ACOX3: variants seen among roughly 807,000 people sequenced by gnomAD.
ACOX3 encodes the protein peroxisomal acyl-coenzyme A oxidase 3.
In ACOX3, 73 loss-of-function variants were observed where a neutral mutation model predicts 81.5. That is an observed-to-expected ratio of 0.90 (90% confidence interval 0.74 to 1.09). The LOEUF (loss-of-function observed/expected upper bound fraction) is 1.09, where lower values mean the gene tolerates loss of function less well. Among genes scored for constraint, ACOX3 ranks in the 50% least tolerant of loss-of-function variants. The probability of loss-of-function intolerance (pLI) is 0.00; values close to 1 mark genes in which losing one functional copy is unlikely to be tolerated. For missense variants in ACOX3, 947 were observed against 928.0 expected, an observed-to-expected ratio of 1.02 and a Z score of -0.27; for synonymous variants, 387 against 375.1, an observed-to-expected ratio of 1.03 and a Z score of -0.37.
rs1472296428 is a variant in ACOX3, at chr4:8,416,487, A to T, written c.35T>A (p.Leu12Gln). 6.2e-7 allele frequency: 1 copy of T among 1,613,242 alleles called. No individual in the cohort carries two copies. The change falls in exon 2 of 18, where the codon CTG becomes CAG. Residue 12 changes from leucine (L) to glutamine (Q), a missense_variant. By Grantham distance (113) the Leu-to-Gln change is moderately radical. Transcript: ENST00000356406. This position sits in a 1 kb window ranked among gnomAD's most constrained non-coding sequence, Gnocchi z 4.2. The stretch of plus-strand genomic sequence containing the variant: ...GGGCCCCCTGGGGAATTCTGGGAGC[A>T]GAGCTGTGTCGCCTCCTTCCACAGT... ...ASTVEGGDTA[L>Q]LPEFPRGPLD...
At chr4:8,376,726 G>C (rs1204241923) in intron 14 of ACOX3, among the ~76,000 whole-genome samples, 2 of 152,190 alleles carry the variant, frequency 1.3e-5, no homozygotes, top group African/African-American at 4.8e-5. Flanking sequence ...TGCCAGCATG[G>C]GGCCTTGGGG....
chr4:8,405,557 C>A lies in ACOX3; in HGVS notation c.776+398G>T, dbSNP rs1046999663. 6.6e-6 allele frequency among the ~76,000 whole-genome samples: 1 copy of A among 152,258 alleles called. No homozygotes were observed. Among genetic ancestry groups the A allele is most frequent in the Admixed American group, 6.5e-5 (1 of 15,290 alleles). ...AGCAAGCCTACTCTGGAGGCAGAAA[C>A]TGCAGATATGGGTCCCTCGAGATCA... On this transcript the variant is annotated intron_variant, in intron 7 of 17. Coordinates refer to ENST00000356406, the MANE Select transcript of ACOX3 (RefSeq NM_003501.3). This position sits in a 1 kb window ranked among gnomAD's most constrained non-coding sequence, Gnocchi z 7.1.
chr4:8,396,679 GAAAAAAAAA>G (rs531424752), intron 9 of ACOX3, among the ~76,000 whole-genome samples: 5 of 100,686 alleles, frequency 5.0e-5, no homozygotes, highest in Non-Finnish European at 8.0e-5. Flanking sequence ...CTCCGTCTGG[GAAAAAAAAA>G]AAAAAAAAAA....
In ACOX3 at chr4:8,430,466, C is replaced by T. The variant is rs1723893799; in HGVS notation, c.-15+10182G>A. Among the ~76,000 whole-genome samples, 1 of 152,230 alleles carries T rather than the reference C, an allele frequency of 6.6e-6. No individual in the cohort carries two copies. The highest frequency in any genetic ancestry group is 1.5e-5 in the Non-Finnish European group (1 of 68,030). On this transcript the variant is annotated intron_variant, in intron 1 of 17. Transcript: ENST00000356406. The surrounding 1 kb of genome is among the most constrained non-coding windows in gnomAD (Gnocchi z 5.2). Reference sequence around the variant, plus strand: ...GATACTGTTGAGAGTAATAAAATAACCATTTATTGCAGAACTCACACCTCC... The same window carrying T: ...GATACTGTTGAGAGTAATAAAATAATCATTTATTGCAGAACTCACACCTCC...
intron 14 of ACOX3, among the ~76,000 whole-genome samples, chr4:8,379,717 C>T (rs1485310028): frequency 2.6e-5 from 4 of 152,252 alleles, no homozygotes; most frequent in East Asian, 3.9e-4. Flanking sequence ...GAAGGGGGTC[C>T]TTTTGTGCCC....
intron 11 of ACOX3, among the ~76,000 whole-genome samples, chr4:8,391,059 A>G (rs1396127028): frequency 6.7e-6 from 1 of 149,988 alleles, no homozygotes; most frequent in Non-Finnish European, 1.5e-5. Context: ...ATGTATATGT[A>G]TATGTATATG....
downstream of ACOX3, among the ~76,000 whole-genome samples, chr4:8,361,329 G>A (rs936179004): frequency 6.9e-6 from 1 of 145,502 alleles, no homozygotes; most frequent in African/African-American, 2.5e-5. Context: ...AGGAGGCTGA[G>A]GCAGGACAAA....
chr4:8,401,891 T>C (rs1446884416), intron 7 of ACOX3, among the ~76,000 whole-genome samples: 1 of 152,186 alleles, frequency 6.6e-6, no homozygotes, highest in East Asian at 1.9e-4. Context: ...TGCCCCACCC[T>C]GGGAAGGGTA....
intron 1 of ACOX3, among the ~76,000 whole-genome samples, chr4:8,438,316 G>C (rs971224340): frequency 2.2e-4 from 34 of 152,326 alleles, no homozygotes; most frequent in Middle Eastern, 6.8e-3. Context: ...AAATAAAATG[G>C]AAGTTACACA....
At chr4:8,373,815 T>C (rs962368479) in intron 15 of ACOX3, 187 bp from the exon 16 acceptor site, 5 of 614,322 alleles carry the variant, frequency 8.1e-6, no homozygotes, top group African/African-American at 7.3e-5. Context: ...GGCCGAGTTC[T>C]GAGACCCTTT....
chr4:8,366,182 G>C (rs1054463661), downstream of ACOX3: 2 of 152,306 alleles, frequency 1.3e-5, no homozygotes, highest in African/African-American at 2.4e-5. Context: ...TGATGGCCCC[G>C]GTCTGCTGCA....
chr4:8,376,638 C>A (rs1414133467), intron 14 of ACOX3, among the ~76,000 whole-genome samples: 2 of 152,188 alleles, frequency 1.3e-5, no homozygotes, highest in East Asian at 1.9e-4. Flanking sequence ...CCCCGCTGGG[C>A]CCCGCACACT....
the ACOX3 span, among the ~76,000 whole-genome samples, chr4:8,360,077 C>A: frequency 0.21 from 32,340 of 152,134 alleles, 3,660 homozygotes; most frequent in Non-Finnish European, 0.25. Flanking sequence ...ATGAGGTTTC[C>A]TTCTTGTCTT....
At chr4:8,356,404 C>T in the ACOX3 span, 7 of 399,820 alleles carry the variant, frequency 1.8e-5, no homozygotes, top group Admixed American at 5.4e-5. Context: ...TGCATGTGCA[C>T]GGATGGCTGC....
rs192265591 is a variant in ACOX3 at position 8,392,096 on chromosome 4, A to G, written c.1300+237T>C. ...GAGAGTAAATATTTTCAGCTCTGTA[A>G]GCCACATGGTCTCTGTCACAGCTGC... On this transcript the variant is annotated intron_variant, in intron 11 of 17. Coordinates refer to ENST00000356406, the MANE Select transcript of ACOX3 (RefSeq NM_003501.3). Among the ~76,000 whole-genome samples, 36 of 152,368 alleles carry G rather than the reference A, an allele frequency of 2.4e-4. No individual in the cohort carries two copies. The East Asian group carries it at 6.4e-3, about 27-fold the overall frequency.
chr4:8,433,349 A>T (rs1049697841), intron 1 of ACOX3, among the ~76,000 whole-genome samples: 3 of 152,258 alleles, frequency 2.0e-5, no homozygotes, highest in South Asian at 2.1e-4. Context: ...AGAAACAAGA[A>T]CACCACGTAA....
intron 1 of ACOX3, among the ~76,000 whole-genome samples, chr4:8,436,819 TA>T (rs1348228211): frequency 0.022 from 2,931 of 136,142 alleles, 78 homozygotes; most frequent in African/African-American, 0.072. Context: ...CTGTCTCTAC[TA>T]AAAAAAAAAA....
intron 8 of ACOX3, 79 bp from the exon 9 acceptor site, chr4:8,397,198 C>A: frequency 3.7e-6 from 5 of 1,361,870 alleles, no homozygotes; most frequent in Non-Finnish European, 4.8e-6. Context: ...GGCGAAGGTG[C>A]CCTCGTTTGT....
intron 13 of ACOX3, among the ~76,000 whole-genome samples, chr4:8,388,718 G>A (rs1360875137): frequency 1.3e-5 from 2 of 152,218 alleles, no homozygotes; most frequent in Admixed American, 6.5e-5. Flanking sequence ...TGAAGGAGGT[G>A]CGGGAGGTGC....
Sources: allele counts gnomAD v4.1 joint callset (sites outside exome capture counted in the v4.1 genomes callset), GRCh38; gene constraint gnomAD v4.1.1; non-coding constraint Gnocchi (gnomAD v3.1); transcripts MANE v1.5; gene names NCBI Gene and HGNC (gene_info 2026-07-23, HGNC 2026-07-21).